The following RBM20 variants were observed in gnomAD, a reference collection of about 807,000 sequenced individuals.
RBM20 encodes RNA binding motif protein 20.
A neutral mutation model predicts 110.1 loss-of-function variants in RBM20; 51 were observed. The ratio of observed to expected loss-of-function variants is 0.46; its 90% CI spans 0.37 to 0.59. RBM20 has a LOEUF of 0.59. RBM20 is among the 20% of genes least tolerant of loss of function. The pLI, the probability that RBM20 is intolerant of heterozygous loss-of-function variation, is 0.00. For missense variants in RBM20, 1,512 were observed against 1,574.9 expected, an observed-to-expected ratio of 0.96 and a Z score of 0.68; for synonymous variants, 589 against 618.2, an observed-to-expected ratio of 0.95 and a Z score of 0.70.
At chr10:110,719,117 A>C (rs1219878826) in intron 1 of RBM20, among the ~76,000 whole-genome samples, 2 of 152,250 alleles carry the variant, frequency 1.3e-5, no homozygotes, top group African/African-American at 4.8e-5. Context: ...GTTGCAGAGC[A>C]TGTATGTGAC....
rs1466741507 is a variant in RBM20 at position 110,818,309 on chromosome 10, C to CAAAAAAA, written c.2551-1759_2551-1758insAAAAAAA. On this transcript the variant is annotated intron_variant, in intron 9 of 13. Coordinates refer to ENST00000369519, the MANE Select transcript of RBM20 (RefSeq NM_001134363.3). ...TCCATCTCAAAAAAAAAAAAAAAAC[C>CAAAAAAA]AAAACGACAATATGGTGAGGATGTG... 1.3e-4 allele frequency among the ~76,000 whole-genome samples: 15 copies of CAAAAAAA among 119,792 alleles called. 1 individual carries two copies. The highest frequency in any genetic ancestry group is 2.9e-4 in the South Asian group (1 of 3,482). 78.6% of individuals were successfully genotyped at this position (119,792 alleles called of 152,430 possible).
rs1279261859 is a variant in RBM20 at position 110,781,772 on chromosome 10, T to C, written c.1163T>C (p.Leu388Ser). 3.9e-6 allele frequency: 6 copies of C among 1,551,818 alleles called. No homozygotes were observed. The South Asian group carries it at 5.9e-5, about 15-fold the overall frequency. Reference sequence around the variant, plus strand: ...CGGAGGGCCAAGGAGGACCAGGCGTTGCTATCTGTGCGGCCCCTGCAGGCT... The same window carrying C: ...CGGAGGGCCAAGGAGGACCAGGCGTCGCTATCTGTGCGGCCCCTGCAGGCT... ...AGRRAKEDQA[L>S]LSVRPLQAHE... The change falls in exon 2 of 14, where the codon TTG becomes TCG. Residue 388 changes from leucine (L) to serine (S), a missense_variant. This residue lies in a region of RBM20 where 1,149 missense variants were observed against 1,169.4 expected (regional missense o/e 0.98). Transcript: ENST00000369519.
At chr10:110,827,690 T>C (rs1844999200) in intron 12 of RBM20, 1 of 152,202 alleles carries the variant, frequency 6.6e-6, no homozygotes, top group Non-Finnish European at 1.5e-5. Context: ...GAACAAATAC[T>C]GGTAAGGTCT....
At chr10:110,762,566 C>T (rs773685091) in intron 1 of RBM20, among the ~76,000 whole-genome samples, 2 of 152,218 alleles carry the variant, frequency 1.3e-5, no homozygotes, top group African/African-American at 2.4e-5. Flanking sequence ...AATAATCAAG[C>T]TCACATTCAG....
Position 110,812,262 on chromosome 10 carries a change from C to G in RBM20, c.1881-16C>G. 1 of 1,530,556 alleles carries G rather than the reference C, an allele frequency of 6.5e-7. No homozygotes were observed. Among genetic ancestry groups the G allele is most frequent in the Non-Finnish European group, 8.8e-7 (1 of 1,135,986 alleles). 94.8% of individuals were successfully genotyped at this position (1,530,556 alleles called of 1,614,324 possible). A position where few individuals can be genotyped will look rare whatever the true frequency, so the allele number is the denominator to read the frequency against. On this transcript the variant is annotated splice_polypyrimidine_tract_variant and intron_variant, in intron 8 of 13. Coordinates refer to ENST00000369519, the MANE Select transcript of RBM20 (RefSeq NM_001134363.3). ...GGTGTGAAGATTCTAAATCCTGCTC[C>G]TTGGCTCCCTCACAGATATGGCCCA...
intron 7 of RBM20, among the ~76,000 whole-genome samples, chr10:110,805,008 G>A (rs576017960): frequency 3.3e-5 from 5 of 152,306 alleles, no homozygotes; most frequent in Non-Finnish European, 5.9e-5. Context: ...TCTGGCCCTG[G>A]GAAGCAGTCT....
intron 1 of RBM20, among the ~76,000 whole-genome samples, chr10:110,765,075 C>T (rs918906107): frequency 1.3e-5 from 2 of 152,110 alleles, no homozygotes; most frequent in Non-Finnish European, 2.9e-5. Context: ...GTGAAATCAG[C>T]GATCCTAATG....
At chr10:110,757,788 C>T (rs1441013720) in intron 1 of RBM20, among the ~76,000 whole-genome samples, 1 of 152,184 alleles carries the variant, frequency 6.6e-6, no homozygotes, top group African/African-American at 2.4e-5. Context: ...CGTCAGCACT[C>T]AGCCTCCCAG....
intron 1 of RBM20, among the ~76,000 whole-genome samples, chr10:110,673,192 C>CTTTCTTT (rs566719467): frequency 4.0e-5 from 6 of 151,868 alleles, no homozygotes; most frequent in Non-Finnish European, 8.8e-5. Context: ...AATGGCTTTT[C>CTTTCTTT]TTTCTTTTTT....
intron 5 of RBM20, among the ~76,000 whole-genome samples, chr10:110,793,829 C>T (rs1231635013): frequency 1.3e-5 from 2 of 152,232 alleles, no homozygotes; most frequent in African/African-American, 2.4e-5. Context: ...GAATTTAACA[C>T]CACATTACCA....
intron 1 of RBM20, among the ~76,000 whole-genome samples, chr10:110,733,057 C>A (rs1843635153): frequency 6.6e-6 from 1 of 152,220 alleles, no homozygotes; most frequent in Admixed American, 6.5e-5. Flanking sequence ...CAAGATTCTT[C>A]CTTCCCTTTC....
chr10:110,672,522 C>T (rs538475407), intron 1 of RBM20, among the ~76,000 whole-genome samples: 18 of 152,348 alleles, frequency 1.2e-4, no homozygotes, highest in Middle Eastern at 3.4e-3. Flanking sequence ...CAGCCAAAGC[C>T]CCCGGGGCGG....
intron 1 of RBM20, among the ~76,000 whole-genome samples, chr10:110,650,897 T>G (rs1015484656): frequency 7.9e-5 from 12 of 152,376 alleles, no homozygotes; most frequent in African/African-American, 2.9e-4. Flanking sequence ...CTTTGGTTTA[T>G]TTTGAATTAA....
intron 1 of RBM20, among the ~76,000 whole-genome samples, chr10:110,763,751 CTTTT>C (rs56845100): frequency 3.1e-5 from 2 of 64,384 alleles, no homozygotes; most frequent in African/African-American, 6.3e-5. Flanking sequence ...GGCTTCTTGG[CTTTT>C]TTTTTTTTTT....
In RBM20 at chr10:110,823,364, A is replaced by G. The variant is rs188522732; in HGVS notation, c.3317-116A>G. ...CAGCCTTATGTGATTAAGCAGTCCAAGGAACAATTCCCAATCATACTATGC... is the reference window on the plus strand; with the variant it reads ...CAGCCTTATGTGATTAAGCAGTCCAGGGAACAATTCCCAATCATACTATGC... On this transcript the variant is annotated intron_variant, in intron 11 of 13. Coordinates refer to ENST00000369519, the MANE Select transcript of RBM20 (RefSeq NM_001134363.3). The G allele has an allele frequency of 4.8e-4, 637 of 1,325,332 alleles. 1 individual carries two copies. Among genetic ancestry groups the G allele is most frequent in the Non-Finnish European group, 6.2e-4 (614 of 985,196 alleles). The allele number at this position is 1,325,332 out of a possible 1,614,324, so 82.1% of individuals were successfully genotyped here. A position where few individuals can be genotyped will look rare whatever the true frequency, so the allele number is the denominator to read the frequency against.
intron 5 of RBM20, 23 bp from the exon 6 acceptor site, chr10:110,797,485 C>T (rs1422428041): frequency 1.7e-5 from 26 of 1,535,848 alleles, no homozygotes; most frequent in Non-Finnish European, 2.3e-5. Flanking sequence ...CTGAATACCA[C>T]TAATGATCTT....
chr10:110,794,028 C>A (rs1215894265), intron 5 of RBM20, among the ~76,000 whole-genome samples: 1 of 152,172 alleles, frequency 6.6e-6, no homozygotes, highest in Non-Finnish European at 1.5e-5. Flanking sequence ...TGCCGGTGCC[C>A]CTGATGTACA....
At chr10:110,682,790 T>A (rs1239040930) in intron 1 of RBM20, among the ~76,000 whole-genome samples, 2 of 152,266 alleles carry the variant, frequency 1.3e-5, no homozygotes, top group African/African-American at 4.8e-5. Flanking sequence ...TGTAGGATTA[T>A]GCAAATATCC....
chr10:110,806,670 A>G (rs1391031773), intron 7 of RBM20, among the ~76,000 whole-genome samples: 1 of 152,232 alleles, frequency 6.6e-6, no homozygotes, highest in Admixed American at 6.5e-5. Flanking sequence ...ATTAGTCATC[A>G]TTGTTGGCTG....
Sources: allele counts gnomAD v4.1 joint callset (sites outside exome capture counted in the v4.1 genomes callset), GRCh38; gene constraint gnomAD v4.1.1; regional missense constraint gnomAD v4.1.1; transcripts MANE v1.5; gene names NCBI Gene and HGNC (gene_info 2026-07-23, HGNC 2026-07-21).